Variants in WIPF1 observed in about 807,000 individuals in gnomAD.
The protein encoded by WIPF1 is WAS/WASL interacting protein family member 1.
In WIPF1, 13 loss-of-function variants were observed where a neutral mutation model predicts 35.4. That is an observed-to-expected ratio of 0.37 (90% CI 0.24 to 0.58). The LOEUF is 0.58. Among genes scored for constraint, WIPF1 ranks in the 20% least tolerant of loss-of-function variants. The pLI is 0.74. For missense variants in WIPF1, 591 were observed against 667.0 expected (o/e 0.89, Z 1.25); for synonymous variants, 267 against 266.3 (o/e 1.00, Z -0.02).
intron 7 of WIPF1, among the ~76,000 whole-genome samples, chr2:174,564,850 C>CACAA (rs1431164521): frequency 6.7e-6 from 1 of 150,312 alleles, no homozygotes; most frequent in Non-Finnish European, 1.5e-5. Flanking sequence ...CACACACACA[C>CACAA]ACCATTCAAA....
intron 1 of WIPF1, among the ~76,000 whole-genome samples, chr2:174,643,802 T>C (rs1324417590): frequency 1.3e-5 from 2 of 152,230 alleles, no homozygotes; most frequent in East Asian, 3.8e-4. Context: ...TTGTTGGATT[T>C]GTATTTCTTA....
chr2:174,660,959 A>C (rs762951670), intron 1 of WIPF1, among the ~76,000 whole-genome samples: 38 of 152,252 alleles, frequency 2.5e-4, no homozygotes, highest in Non-Finnish European at 5.1e-4. Context: ...CACCTGACGG[A>C]GGCTGGAACT....
chr2:174,628,180 T>G (rs529641800), intron 1 of WIPF1, among the ~76,000 whole-genome samples: 1 of 152,184 alleles, frequency 6.6e-6, no homozygotes, highest in Non-Finnish European at 1.5e-5. Context: ...CCAGTGACCA[T>G]GTCCATTGTC....
At chr2:174,595,109 A>AAAAAAAAAAAAAATATATATAT (rs1553529785) in intron 1 of WIPF1, among the ~76,000 whole-genome samples, 1 of 57,750 alleles carries the variant, frequency 1.7e-5, no homozygotes, top group African/African-American at 9.0e-5. Context: ...AAAAAAAAAA[A>AAAAAAAAAAAAAATATATATAT]ATATATATAT....
chr2:174,629,247 T>G (rs1686939539), intron 1 of WIPF1, among the ~76,000 whole-genome samples: 1 of 152,244 alleles, frequency 6.6e-6, no homozygotes, highest in South Asian at 2.1e-4. Flanking sequence ...AAGTAAACTA[T>G]TTATCCTTCC....
At chr2:174,624,649 T>C (rs1686774668) in intron 1 of WIPF1, among the ~76,000 whole-genome samples, 1 of 152,134 alleles carries the variant, frequency 6.6e-6, no homozygotes. Context: ...TAGGACAACA[T>C]AAGATGCTGG....
At chr2:174,588,705 AT>A (rs1000099229) in intron 1 of WIPF1, among the ~76,000 whole-genome samples, 5 of 152,210 alleles carry the variant, frequency 3.3e-5, no homozygotes, top group Non-Finnish European at 7.3e-5. Context: ...GATTGCAGAA[AT>A]TAGCAGGCAA....
intron 1 of WIPF1, among the ~76,000 whole-genome samples, chr2:174,588,606 G>T (rs1685503455): frequency 6.6e-6 from 1 of 152,234 alleles, no homozygotes; most frequent in African/African-American, 2.4e-5. Flanking sequence ...CTGGATGACA[G>T]CTCCAGGGAG....
intron 1 of WIPF1, among the ~76,000 whole-genome samples, chr2:174,642,343 C>CTTTTTTTTTTTTTT (rs780884199): frequency 9.7e-6 from 1 of 102,824 alleles, no homozygotes; most frequent in African/African-American, 3.8e-5. Flanking sequence ...CTTCCTCCAC[C>CTTTTTTTTTTTTTT]TTTTTTTTTT....
intron 1 of WIPF1, among the ~76,000 whole-genome samples, chr2:174,639,452 C>T (rs1687253193): frequency 6.6e-6 from 1 of 152,172 alleles, no homozygotes; most frequent in African/African-American, 2.4e-5. Flanking sequence ...CGGAGTCTCA[C>T]TTTGTCACCT....
At chr2:174,619,446 C>A (rs1355763580) in intron 1 of WIPF1, among the ~76,000 whole-genome samples, 4 of 152,102 alleles carry the variant, frequency 2.6e-5, no homozygotes, top group Non-Finnish European at 5.9e-5. Flanking sequence ...CAAAAATAGT[C>A]ATCTAGCTAT....
intron 1 of WIPF1, among the ~76,000 whole-genome samples, chr2:174,613,396 T>C (rs949879625): frequency 6.6e-6 from 1 of 152,192 alleles, no homozygotes; most frequent in African/African-American, 2.4e-5. Flanking sequence ...TGAGCACAGG[T>C]CATTCAAAGC....
At chr2:174,596,996 T>C (rs1299835128) in intron 1 of WIPF1, among the ~76,000 whole-genome samples, 2 of 152,244 alleles carry the variant, frequency 1.3e-5, no homozygotes, top group Non-Finnish European at 2.9e-5. Context: ...CATAAAGTTA[T>C]AACTAATGCT....
At chr2:174,664,393 C>T (rs138458613) in intron 1 of WIPF1, among the ~76,000 whole-genome samples, 45 of 152,330 alleles carry the variant, frequency 3.0e-4, no homozygotes, top group African/African-American at 9.1e-4. Context: ...TAGTCCAGGA[C>T]TTGAAACAAA....
chr2:174,600,400 C>T (rs1011661713), upstream of WIPF1, among the ~76,000 whole-genome samples: 2 of 152,158 alleles, frequency 1.3e-5, no homozygotes, highest in African/African-American at 2.4e-5. Flanking sequence ...TTAAAAAGTC[C>T]AAACTCTTAG....
At chr2:174,662,191 C>T (rs1253897805) in intron 1 of WIPF1, among the ~76,000 whole-genome samples, 1 of 152,190 alleles carries the variant, frequency 6.6e-6, no homozygotes, top group Non-Finnish European at 1.5e-5. Flanking sequence ...CGCTAGATTA[C>T]TTATAATACC....
chr2:174,646,645 G>A (rs952050606), intron 1 of WIPF1, among the ~76,000 whole-genome samples: 1 of 152,138 alleles, frequency 6.6e-6, no homozygotes, highest in African/African-American at 2.4e-5. Flanking sequence ...CTTTTTCTGA[G>A]ATGGAGTCTC....
At position 174,571,800 on chromosome 2, in the gene WIPF1, T is replaced by TG; in HGVS notation, c.1004dup (p.Gln336ThrfsTer28). The TG allele has an allele frequency of 6.2e-7, 1 of 1,614,092 alleles. No homozygotes were observed. The highest frequency in any genetic ancestry group is 8.5e-7 in the Non-Finnish European group (1 of 1,180,006). On this transcript the variant is annotated frameshift_variant, in exon 5 of 8. Coordinates refer to ENST00000679041, the MANE Select transcript of WIPF1 (RefSeq NM_001375834.1). LOFTEE classifies it high-confidence loss of function. The surrounding 1 kb of genome is among the most constrained non-coding windows in gnomAD (Gnocchi z 4.6). ...ACGAACTGAGGGACAGATTCCGCTGTGGGAGTCTTGGGGTTTCGTCATTGC... is the reference window on the plus strand; with the variant it reads ...ACGAACTGAGGGACAGATTCCGCTGTGGGGAGTCTTGGGGTTTCGTCATTGC...
At chr2:174,645,675 A>G (rs1205420060) in intron 1 of WIPF1, among the ~76,000 whole-genome samples, 1 of 152,218 alleles carries the variant, frequency 6.6e-6, no homozygotes, top group Admixed American at 6.5e-5. Flanking sequence ...TACCTTGTTG[A>G]TACCATTGTG....
Sources: gnomAD v4.1 joint callset for allele counts (sites outside exome capture counted in the v4.1 genomes callset) on GRCh38, gnomAD v4.1.1 for gene constraint, Gnocchi (gnomAD v3.1) non-coding constraint, MANE v1.5 for transcripts, NCBI Gene and HGNC (gene_info 2026-07-23, HGNC 2026-07-21) for gene names.